The following AFTPH variants were observed in gnomAD, a reference collection of about 807,000 sequenced individuals.
AFTPH encodes the protein aftiphilin, also known as aftiphilin protein.
In AFTPH, 7 loss-of-function variants were observed where a neutral mutation model predicts 72.5. The ratio of observed to expected loss-of-function variants is 0.10; its 90% CI spans 0.05 to 0.18. AFTPH has a LOEUF of 0.18. Ranked by LOEUF, AFTPH falls within the 10% of genes least tolerant of loss-of-function variation. AFTPH has a pLI of 1.00. For missense variants in AFTPH, 979 were observed against 1,060.5 expected (o/e 0.92, Z 1.07); for synonymous variants, 337 against 370.1 (o/e 0.91, Z 1.03).
intron 1 of AFTPH, among the ~76,000 whole-genome samples, chr2:64,542,037 G>A (rs562089471): frequency 6.6e-6 from 1 of 152,266 alleles, no homozygotes; most frequent in East Asian, 1.9e-4. Context: ...TAAGTTTAGA[G>A]TGAAGCTGGG....
intron 8 of AFTPH, among the ~76,000 whole-genome samples, chr2:64,590,210 A>C (rs1452904602): frequency 6.6e-6 from 1 of 151,814 alleles, no homozygotes; most frequent in Non-Finnish European, 1.5e-5. Context: ...CTGTTTTCTT[A>C]TTAACAGTAG....
intron 2 of AFTPH, 111 bp downstream of exon 2, chr2:64,553,520 G>C (rs745856777): frequency 1.6e-5 from 19 of 1,201,234 alleles, no homozygotes; most frequent in Middle Eastern, 5.3e-4. Context: ...AAGGAGTCTC[G>C]TTATGATGTA....
exon 2 of AFTPH, chr2:64,553,376 T>C (rs1446852192): frequency 6.2e-7 from 1 of 1,600,730 alleles, no homozygotes. Context: ...CAGTTGCTAG[T>C]GGCCATTTAC....
At chr2:64,586,475 T>C (rs1195161733) in intron 8 of AFTPH, among the ~76,000 whole-genome samples, 1 of 152,280 alleles carries the variant, frequency 6.6e-6, no homozygotes, top group Non-Finnish European at 1.5e-5. Context: ...AAGCCTTTTT[T>C]ATTGTGAATA....
exon 1 of AFTPH, chr2:64,524,386 AGGC>A: frequency 8.7e-5 from 35 of 403,246 alleles, no homozygotes; most frequent in South Asian, 7.6e-4. Flanking sequence ...GAGGTGGAGG[AGGC>A]GGCGGCGGCG....
intron 6 of AFTPH, 118 bp downstream of exon 6, chr2:64,573,186 A>C: frequency 1.3e-6 from 1 of 757,512 alleles, no homozygotes; most frequent in South Asian, 2.2e-5. Flanking sequence ...AGCTTGATTT[A>C]ATGATGGACA....
At chr2:64,558,989 A>G (rs1411234777) in intron 2 of AFTPH, among the ~76,000 whole-genome samples, 1 of 152,222 alleles carries the variant, frequency 6.6e-6, no homozygotes, top group Non-Finnish European at 1.5e-5. Context: ...AGGTGGACAT[A>G]CGGAAAATGT....
At chr2:64,547,042 CTG>C (rs1391643740) in intron 1 of AFTPH, among the ~76,000 whole-genome samples, 2 of 152,108 alleles carry the variant, frequency 1.3e-5, no homozygotes, top group African/African-American at 2.4e-5. Flanking sequence ...GAGCTAGACT[CTG>C]TCTCAAAAAA....
At chr2:64,584,897 G>A (rs963391712) in intron 7 of AFTPH, among the ~76,000 whole-genome samples, 5 of 152,050 alleles carry the variant, frequency 3.3e-5, no homozygotes, top group Non-Finnish European at 7.4e-5. Flanking sequence ...CGCCTGGCCA[G>A]TCATGATATA....
chr2:64,557,635 A>T (rs1671461495), intron 2 of AFTPH, among the ~76,000 whole-genome samples: 1 of 152,208 alleles, frequency 6.6e-6, no homozygotes, highest in South Asian at 2.1e-4. Context: ...ATAGAAACTC[A>T]GTGTTCTTAA....
At chr2:64,562,868 G>A (rs1480794071) in intron 2 of AFTPH, among the ~76,000 whole-genome samples, 1 of 152,164 alleles carries the variant, frequency 6.6e-6, no homozygotes, top group Non-Finnish European at 1.5e-5. Context: ...TACTTATACT[G>A]CCTTACGTGC....
intron 5 of AFTPH, 133 bp from the exon 6 acceptor site, chr2:64,572,813 A>G (rs1377183208): frequency 4.7e-6 from 6 of 1,271,768 alleles, no homozygotes; most frequent in Admixed American, 2.7e-5. Flanking sequence ...TAAAAAAAAA[A>G]AAAGACTAGT....
At chr2:64,524,781 C>T (rs1252592747) in intron 1 of AFTPH, among the ~76,000 whole-genome samples, 169 bp downstream of exon 1, 1 of 152,260 alleles carries the variant, frequency 6.6e-6, no homozygotes, top group Non-Finnish European at 1.5e-5. Flanking sequence ...CCCGGCTCTG[C>T]TCTCTTCTGC....
chr2:64,579,060 TATTAGCCC>T (rs143359091), intron 6 of AFTPH: 2,821 of 154,410 alleles, frequency 0.018, 71 homozygotes, highest in East Asian at 0.11. Context: ...AAAAATGTCT[TATTAGCCC>T]ATAATTTTCA....
chr2:64,569,276 C>T lies in AFTPH; in HGVS notation c.2214+58C>T, dbSNP rs1672274712. 4.7e-5 allele frequency: 73 copies of T among 1,551,572 alleles called. No homozygotes were observed. The South Asian group carries it at 7.6e-4, about 16-fold the overall frequency. ...ATCAACCTGTGGATGTTTTAAAATT[C>T]TGTCATACTTCTGTTTAAGCTGTGG... On this transcript the variant is annotated intron_variant, in intron 4 of 8. Coordinates refer to ENST00000238856, the Ensembl canonical transcript of AFTPH.
chr2:64,569,317 G>C, intron 4 of AFTPH, 99 bp downstream of exon 4: 1 of 1,422,432 alleles, frequency 7.0e-7, no homozygotes, highest in Non-Finnish European at 9.5e-7. Context: ...TAGTTCCTCA[G>C]AAAATAAATA....
At chr2:64,551,579 A>C (rs752501604) in exon 2 of AFTPH, 29 of 1,614,034 alleles carry the variant, frequency 1.8e-5, no homozygotes, top group Middle Eastern at 3.3e-4. Context: ...GTGGGTTTTC[A>C]GAAGTTAGCC....
chr2:64,552,484 T>G, exon 2 of AFTPH: 1 of 1,614,048 alleles, frequency 6.2e-7, no homozygotes, highest in Non-Finnish European at 8.5e-7. Flanking sequence ...GCTTGGAGTT[T>G]GGTAGACTCA....
intron 1 of AFTPH, among the ~76,000 whole-genome samples, chr2:64,530,016 C>T (rs1332842944): frequency 2.0e-5 from 3 of 152,032 alleles, no homozygotes; most frequent in Non-Finnish European, 4.4e-5. Context: ...ATTAGCCAGG[C>T]ATGGTGGCGG....
Sources: allele counts gnomAD v4.1 joint callset (sites outside exome capture counted in the v4.1 genomes callset), GRCh38; gene constraint gnomAD v4.1.1; transcripts MANE v1.5; gene names NCBI Gene and HGNC (gene_info 2026-07-23, HGNC 2026-07-21).